The following MCF2L variants were observed in gnomAD, a reference collection of about 807,000 sequenced individuals.
MCF2L encodes the protein MCF.2 cell line derived transforming sequence like.
MCF2L carries 97 observed loss-of-function variants against 153.4 expected under a neutral mutation model. That is an observed-to-expected ratio of 0.63 (90% CI 0.54 to 0.75). The LOEUF is 0.75. Ranked by LOEUF, MCF2L falls within the 30% of genes least tolerant of loss-of-function variation. The probability of loss-of-function intolerance (pLI) is 0.00; values close to 1 mark genes in which losing one functional copy is unlikely to be tolerated. For synonymous variants in MCF2L, 659 were observed against 632.2 expected (o/e 1.04, Z -0.64); for missense variants, 1,347 against 1,495.2 (o/e 0.90, Z 1.64).
intron 2 of MCF2L, among the ~76,000 whole-genome samples, chr13:112,940,055 C>T (rs1036454361): frequency 8.6e-5 from 13 of 150,934 alleles, no homozygotes; most frequent in Non-Finnish European, 1.8e-4. Context: ...CAGAGGCCTT[C>T]TTCAGGGCAG....
In MCF2L at chr13:113,045,032, GT is replaced by G; in HGVS notation, c.279-237del. 1.7e-6 allele frequency: 2 copies of G among 1,185,926 alleles called. No individual in the cohort carries two copies. Among genetic ancestry groups the G allele is most frequent in the Non-Finnish European group, 2.4e-6 (2 of 836,454 alleles). The allele number at this position is 1,185,926 out of a possible 1,614,324, so 73.5% of individuals were successfully genotyped here. A position where few individuals can be genotyped will look rare whatever the true frequency, so the allele number is the denominator to read the frequency against. On this transcript the variant is annotated intron_variant, in intron 3 of 29. Coordinates refer to ENST00000535094, the MANE Select transcript of MCF2L (RefSeq NM_001112732.3). The surrounding 1 kb of genome is among the most constrained non-coding windows in gnomAD (Gnocchi z 4.2). ...CAATCTGTGACTCGAGGTGGTTGGTGTTAGGCTGAGAAATAAGAACACACCA... is the reference window on the plus strand; with the variant it reads ...CAATCTGTGACTCGAGGTGGTTGGTGTAGGCTGAGAAATAAGAACACACCA...
intron 1 of MCF2L, among the ~76,000 whole-genome samples, chr13:112,896,983 C>T (rs943031232): frequency 2.0e-5 from 3 of 152,246 alleles, no homozygotes; most frequent in Non-Finnish European, 4.4e-5. Flanking sequence ...GGTCAGGGGC[C>T]ATGCAGGCTG....
In MCF2L at chr13:113,045,493, G is replaced by A; in HGVS notation, c.369+132G>A. The A allele has an allele frequency of 1.3e-6, 1 of 796,064 alleles. No individual in the cohort carries two copies. The highest frequency in any genetic ancestry group is 2.1e-6 in the Non-Finnish European group (1 of 486,642). The allele number at this position is 796,064 out of a possible 1,614,324, so 49.3% of individuals were successfully genotyped here. On this transcript the variant is annotated intron_variant, in intron 4 of 29. Coordinates refer to ENST00000535094, the MANE Select transcript of MCF2L (RefSeq NM_001112732.3). The surrounding 1 kb of genome is among the most constrained non-coding windows in gnomAD (Gnocchi z 4.2). ...GGGACAGAGCCCAGTCCCGGCGGGT[G>A]GAGGCCGGCGCCAAGGCCCCCCCTG...
chr13:112,939,118 G>A (rs2081550440), intron 2 of MCF2L, among the ~76,000 whole-genome samples: 1 of 152,202 alleles, frequency 6.6e-6, no homozygotes, highest in Admixed American at 6.5e-5. Flanking sequence ...TCACGTTTGG[G>A]TTTCAATTTC....
intron 1 of MCF2L, among the ~76,000 whole-genome samples, chr13:113,003,048 T>C (rs1453910320): frequency 6.7e-6 from 1 of 149,386 alleles, no homozygotes; most frequent in Non-Finnish European, 1.5e-5. Context: ...TGGTGGCGTG[T>C]GCCTGTAGTC....
At position 113,027,004 on chromosome 13, in the gene MCF2L, G is replaced by A. The variant is rs1344499551; in HGVS notation, c.278+2246G>A. On this transcript the variant is annotated intron_variant, in intron 3 of 29. Coordinates refer to ENST00000535094, the MANE Select transcript of MCF2L (RefSeq NM_001112732.3). The surrounding 1 kb of genome is among the most constrained non-coding windows in gnomAD (Gnocchi z 4.8). ...GAATGTCAGCCTCACACCAGACAGT[G>A]TAGTTGCTGCTTCCATTTGGGGTAT... 4 of 779,054 alleles carry A rather than the reference G, an allele frequency of 5.1e-6. No individual in the cohort carries two copies. Among genetic ancestry groups the A allele is most frequent in the South Asian group, 1.3e-5 (1 of 74,344 alleles). The allele number at this position is 779,054 out of a possible 1,614,324, so 48.3% of individuals were successfully genotyped here. A position where few individuals can be genotyped will look rare whatever the true frequency, so the allele number is the denominator to read the frequency against.
In MCF2L at chr13:112,964,205, G is replaced by A. The variant is rs557432080; in HGVS notation, c.170-50558G>A. Among the ~76,000 whole-genome samples the A allele has an allele frequency of 8.5e-5, 13 of 152,346 alleles. No individual in the cohort carries two copies. In the South Asian group the frequency reaches 1.0e-3, roughly 12 times the overall value. ...CTTGAGGTTCCCTTGAGGCAGCCCC[G>A]GCACCCCAGGTTCTACAGTTGCCCA... On this transcript the variant is annotated intron_variant, in intron 2 of 29. Transcript: ENST00000375608.
At chr13:113,076,956 G>C in intron 12 of MCF2L, 96 bp from the exon 13 acceptor site, 2 of 1,325,296 alleles carry the variant, frequency 1.5e-6, no homozygotes, top group South Asian at 1.4e-5. Flanking sequence ...TTTAAAGCGG[G>C]GGTTGGGCGT....
intron 3 of MCF2L, among the ~76,000 whole-genome samples, chr13:113,034,646 C>T (rs974001342): frequency 2.1e-4 from 32 of 150,828 alleles, no homozygotes; most frequent in Admixed American, 9.9e-4. Flanking sequence ...CCCACGCCCT[C>T]GCCCTTGCCC....
At position 113,085,001 on chromosome 13, in the gene MCF2L, TC is replaced by T; in HGVS notation, c.2154+19del. ...TTTTTCCAGGTTTGTCCCCGGACCT[TC>T]CTTTAGAACGTTACTCCCTTTCCTA... On this transcript the variant is annotated intron_variant, in intron 19 of 29. Transcript: ENST00000535094. The T allele has an allele frequency of 6.2e-7, 1 of 1,613,354 alleles. No individual in the cohort carries two copies. The highest frequency in any genetic ancestry group is 1.7e-4 in the Middle Eastern group (1 of 6,058).
chr13:113,061,723 TTGCC>T (rs2031473461), intron 5 of MCF2L, among the ~76,000 whole-genome samples: 2 of 31,082 alleles, frequency 6.4e-5, no homozygotes, highest in Non-Finnish European at 6.1e-5. Context: ...CCCCTCCCCC[TTGCC>T]CTCCCCTCCC....
rs1198321217 is a variant in MCF2L, at chr13:112,943,742, G to C, written c.169+41371G>C. 6.6e-6 allele frequency among the ~76,000 whole-genome samples: 1 copy of C among 152,088 alleles called. No individual in the cohort carries two copies. Among genetic ancestry groups the C allele is most frequent in the South Asian group, 2.1e-4 (1 of 4,834 alleles). ...GAGCCCGAGCAGCCTGCGGTGGCTCGGCTCGGGCCGGCGGAGATCTGGGAG... is the reference window on the plus strand; with the variant it reads ...GAGCCCGAGCAGCCTGCGGTGGCTCCGCTCGGGCCGGCGGAGATCTGGGAG... On this transcript the variant is annotated intron_variant, in intron 2 of 29. Coordinates refer to the MCF2L transcript ENST00000375608. The surrounding 1 kb of genome is among the most constrained non-coding windows in gnomAD (Gnocchi z 4.2).
intron 2 of MCF2L, among the ~76,000 whole-genome samples, chr13:113,021,930 G>A (rs1205308655): frequency 6.6e-6 from 1 of 152,192 alleles, no homozygotes; most frequent in African/African-American, 2.4e-5. Context: ...GCTACCAACT[G>A]AACGAGGCTG....
Position 113,064,954 on chromosome 13 carries a change from C to A in MCF2L, c.625C>A (p.Leu209Ile), listed in dbSNP as rs2032128305. 7 of 1,612,970 alleles carry A rather than the reference C, an allele frequency of 4.3e-6. No homozygotes were observed. The highest frequency in any genetic ancestry group is 5.9e-6 in the Non-Finnish European group (7 of 1,179,880). The change falls in exon 7 of 30, where the codon CTC becomes ATC. Residue 209 changes from leucine (L) to isoleucine (I), a missense_variant. By Grantham distance (5) the Leu-to-Ile change is conservative. Around this residue, in one of 3 missense-constraint regions of MCF2L, gnomAD observed 820 missense variants for 921.2 expected, o/e 0.89. Coordinates refer to ENST00000535094, the MANE Select transcript of MCF2L (RefSeq NM_001112732.3). The surrounding 1 kb of genome is among the most constrained non-coding windows in gnomAD (Gnocchi z 6.0). ...CQRTAIESFA[L>I]MVKQTAQMLQ... is the part of the protein sequence containing the mutation. ...CCCCAAGGCCATCGAAAGTTTCGCC[C>A]TCATGGTGAAGCAGACGGCTCAGAT...
At chr13:113,076,324 G>A (rs1316363012) in intron 12 of MCF2L, among the ~76,000 whole-genome samples, 167 bp downstream of exon 12, 2 of 152,212 alleles carry the variant, frequency 1.3e-5, no homozygotes, top group East Asian at 3.9e-4. Flanking sequence ...GAGTGCAGTG[G>A]CACGATCTTA....
chr13:112,999,994 C>T (rs1334831543), intron 1 of MCF2L, among the ~76,000 whole-genome samples: 2 of 95,404 alleles, frequency 2.1e-5, no homozygotes, highest in African/African-American at 3.1e-5. Flanking sequence ...GGCGAGTGGG[C>T]CGGGAATGAA....
chr13:113,024,695 C>A lies in MCF2L; in HGVS notation c.215C>A (p.Ala72Asp), dbSNP rs748418171. ...GTTATCACCTTCCCTGACTACCCGG[C>A]CTTCAGCGAGATTCCGGACAAGGAG... ...SPVITFPDYP[A>D]FSEIPDKEFQ... Residue 72 changes from alanine (A) to aspartate (D), a missense_variant, in exon 3 of 30, where the codon GCC (alanine) becomes GAC (aspartate). By Grantham distance (126) the Ala-to-Asp change is moderately radical. Coordinates refer to ENST00000535094, the MANE Select transcript of MCF2L (RefSeq NM_001112732.3). 10 of 1,614,204 alleles carry A rather than the reference C, an allele frequency of 6.2e-6. No homozygotes were observed. The highest frequency in any genetic ancestry group is 5.0e-5 in the Admixed American group (3 of 60,032).
chr13:112,942,344 C>T (rs2081584277), intron 2 of MCF2L, among the ~76,000 whole-genome samples: 1 of 152,238 alleles, frequency 6.6e-6, no homozygotes, highest in South Asian at 2.1e-4. Context: ...GGAAGGGCCC[C>T]CTGTCTGGTA....
chr13:113,086,076 C>G, intron 20 of MCF2L, 48 bp from the exon 21 acceptor site: 1 of 1,572,300 alleles, frequency 6.4e-7, no homozygotes, highest in Non-Finnish European at 8.6e-7. Flanking sequence ...CCAGGGGAGC[C>G]AGGGCTCTCC....
Sources: gnomAD v4.1 joint callset for allele counts (sites outside exome capture counted in the v4.1 genomes callset) on GRCh38, gnomAD v4.1.1 for gene constraint, gnomAD v4.1.1 regional missense constraint, Gnocchi (gnomAD v3.1) non-coding constraint, MANE v1.5 for transcripts, NCBI Gene and HGNC (gene_info 2026-07-23, HGNC 2026-07-21) for gene names.